The following DOCK3 variants were observed in gnomAD, a reference collection of about 807,000 sequenced individuals.
The protein encoded by DOCK3 is dedicator of cytokinesis protein 3.
In DOCK3, 60 loss-of-function variants were observed where a neutral mutation model predicts 265.6. That is an observed-to-expected ratio of 0.23 (90% CI 0.18 to 0.28). The LOEUF (loss-of-function observed/expected upper bound fraction) is 0.28. Among genes scored for constraint, DOCK3 ranks in the 10% least tolerant of loss-of-function variants. The probability of loss-of-function intolerance (pLI) is 1.00; values close to 1 mark genes in which losing one functional copy is unlikely to be tolerated. For synonymous variants in DOCK3, 881 were observed against 938.0 expected, an observed-to-expected ratio of 0.94 and a Z score of 1.11; for missense variants, 1,981 against 2,594.3, an observed-to-expected ratio of 0.76 and a Z score of 5.14.
At chr3:51,217,627 A>G (rs2089858014) in intron 14 of DOCK3, among the ~76,000 whole-genome samples, 1 of 152,110 alleles carries the variant, frequency 6.6e-6, no homozygotes. Flanking sequence ...GCTAATAATA[A>G]CTCTATGGCA....
intron 5 of DOCK3, among the ~76,000 whole-genome samples, chr3:50,989,620 C>G (rs2078034615): frequency 6.6e-6 from 1 of 152,268 alleles, no homozygotes; most frequent in East Asian, 1.9e-4. Context: ...AGTACCTCAG[C>G]CCAGTGAAAA....
chr3:51,166,352 A>T (rs535191441), intron 12 of DOCK3, among the ~76,000 whole-genome samples: 1 of 152,068 alleles, frequency 6.6e-6, no homozygotes, highest in Non-Finnish European at 1.5e-5. Flanking sequence ...TGCCTGGCCT[A>T]TGTATATTCT....
rs1325772985 is a variant in DOCK3 at position 51,383,608 on chromosome 3, T to C, written c.*2049T>C. The stretch of plus-strand genomic sequence containing the variant: ...GAGGGGAGTATGGGTTCATTTGGCT[T>C]CGCATTATGCAAGGTGAAACCGTTT... On this transcript the variant is annotated 3_prime_UTR_variant, in exon 53 of 53. Coordinates refer to ENST00000266037, the MANE Select transcript of DOCK3 (RefSeq NM_004947.5). The C allele has an allele frequency of 6.6e-6, 1 of 152,340 alleles. No individual in the cohort carries two copies. Among genetic ancestry groups the C allele is most frequent in the Non-Finnish European group, 1.5e-5 (1 of 68,048 alleles). 9.4% of individuals were successfully genotyped at this position (152,340 alleles called of 1,614,324 possible).
At chr3:50,965,377 C>T (rs935838751) in intron 5 of DOCK3, among the ~76,000 whole-genome samples, 9 of 150,420 alleles carry the variant, frequency 6.0e-5, no homozygotes, top group Admixed American at 4.0e-4. Context: ...CTTAGGAAAA[C>T]GGAAAAAGAG....
At chr3:50,951,223 G>A (rs1344494507) in intron 5 of DOCK3, among the ~76,000 whole-genome samples, 1 of 152,128 alleles carries the variant, frequency 6.6e-6, no homozygotes, top group Admixed American at 6.5e-5. Context: ...TAACTAAAGT[G>A]ACTTGGTAAC....
chr3:50,724,256 A>G (rs1303491995), intron 1 of DOCK3, among the ~76,000 whole-genome samples: 8 of 152,248 alleles, frequency 5.3e-5, no homozygotes, highest in Non-Finnish European at 8.8e-5. Flanking sequence ...GGGAGTGTAA[A>G]TTAGTTAAGC....
intron 46 of DOCK3, among the ~76,000 whole-genome samples, chr3:51,360,018 G>A (rs187534744): frequency 2.0e-5 from 3 of 152,274 alleles, no homozygotes; most frequent in East Asian, 3.9e-4. Flanking sequence ...ACATACATCA[G>A]GATTTTATGT....
chr3:51,005,826 CAGAGA>C (rs1347436735), intron 5 of DOCK3, among the ~76,000 whole-genome samples: 2 of 152,076 alleles, frequency 1.3e-5, no homozygotes, highest in African/African-American at 2.4e-5. Flanking sequence ...AACTAACATC[CAGAGA>C]AATGTTCCAG....
chr3:50,930,676 G>C (rs2051014340), intron 4 of DOCK3, among the ~76,000 whole-genome samples: 1 of 152,208 alleles, frequency 6.6e-6, no homozygotes, highest in South Asian at 2.1e-4. Flanking sequence ...TGCCCAGGGT[G>C]GGCACCTCTG....
At chr3:50,811,441 A>G (rs1441058872) in intron 2 of DOCK3, among the ~76,000 whole-genome samples, 1 of 152,132 alleles carries the variant, frequency 6.6e-6, no homozygotes, top group African/African-American at 2.4e-5. Flanking sequence ...GGGAGAGAAT[A>G]AAAGAAAAAA....
intron 3 of DOCK3, chr3:50,863,533 C>CTTTGCT: frequency 2.1e-6 from 1 of 471,950 alleles, no homozygotes; most frequent in Non-Finnish European, 4.2e-6. Context: ...AGGGGTCGAT[C>CTTTGCT]TTTGCTAGAC....
chr3:51,179,769 G>A lies in DOCK3; in HGVS notation c.1037+19067G>A, dbSNP rs555964579. 3.3e-5 allele frequency among the ~76,000 whole-genome samples: 5 copies of A among 151,892 alleles called. No individual in the cohort carries two copies. In the South Asian group the frequency reaches 8.3e-4, roughly 25 times the overall value. On this transcript the variant is annotated intron_variant, in intron 12 of 52. Transcript: ENST00000266037. ...CTCTACAAAAAATAAAAAATTAGCC[G>A]GGCTTGGTGGTGCATGCCTGTAGTC...
chr3:51,123,948 C>G (rs1400638603), intron 9 of DOCK3, among the ~76,000 whole-genome samples: 2 of 152,140 alleles, frequency 1.3e-5, no homozygotes, highest in Non-Finnish European at 2.9e-5. Context: ...TTTCTGTGCC[C>G]CAAGCTCCTG....
intron 27 of DOCK3, among the ~76,000 whole-genome samples, chr3:51,297,632 C>A (rs988514468): frequency 6.6e-6 from 1 of 152,060 alleles, no homozygotes; most frequent in Non-Finnish European, 1.5e-5. Context: ...CAAGATAGCA[C>A]TTCACACTGA....
At chr3:51,378,789 A>G (rs2088349394) in intron 51 of DOCK3, among the ~76,000 whole-genome samples, 1 of 152,184 alleles carries the variant, frequency 6.6e-6, no homozygotes, top group South Asian at 2.1e-4. Flanking sequence ...AGGGGACAGT[A>G]TTCTGGCAGT....
At chr3:51,317,283 A>T (rs2083420169) in intron 32 of DOCK3, among the ~76,000 whole-genome samples, 2 of 151,752 alleles carry the variant, frequency 1.3e-5, no homozygotes, top group Admixed American at 1.3e-4. Flanking sequence ...AAAAAGAAAA[A>T]CAAATGGGTT....
intron 2 of DOCK3, among the ~76,000 whole-genome samples, chr3:50,822,631 G>C (rs924997266): frequency 6.6e-6 from 1 of 152,030 alleles, no homozygotes; most frequent in African/African-American, 2.4e-5. Flanking sequence ...TGAATAGCTA[G>C]GACTACAGGC....
At chr3:50,936,172 T>C (rs2051349177) in intron 5 of DOCK3, among the ~76,000 whole-genome samples, 1 of 152,038 alleles carries the variant, frequency 6.6e-6, no homozygotes, top group East Asian at 1.9e-4. Flanking sequence ...AAAAATATTA[T>C]ATGGGCTCAA....
chr3:50,724,172 G>A (rs914838767), intron 1 of DOCK3, among the ~76,000 whole-genome samples: 5 of 149,896 alleles, frequency 3.3e-5, no homozygotes, highest in African/African-American at 1.2e-4. Context: ...TTAGAATGGC[G>A]ATCATTAAAA....
Sources: allele counts gnomAD v4.1 joint callset (sites outside exome capture counted in the v4.1 genomes callset), GRCh38; gene constraint gnomAD v4.1.1; transcripts MANE v1.5; gene names NCBI Gene and HGNC (gene_info 2026-07-23, HGNC 2026-07-21).